PSD3: variants seen among roughly 807,000 people sequenced by gnomAD.
PSD3 encodes PH and SEC7 domain-containing protein 3.
In PSD3, 49 loss-of-function variants were observed where a neutral mutation model predicts 105.5. The ratio of observed to expected loss-of-function variants is 0.46; its 90% CI spans 0.37 to 0.59. The LOEUF (loss-of-function observed/expected upper bound fraction) is 0.59, where lower values mean the gene tolerates loss of function less well. Among genes scored for constraint, PSD3 ranks in the 20% least tolerant of loss-of-function variants. PSD3 has a pLI of 0.00. For synonymous variants in PSD3, 557 were observed against 457.8 expected, an observed-to-expected ratio of 1.22 and a Z score of -2.77; for missense variants, 1,561 against 1,263.8, an observed-to-expected ratio of 1.24 and a Z score of -3.57.
At chr8:18,999,579 T>C (rs1002850324) in intron 1 of PSD3, among the ~76,000 whole-genome samples, 3 of 151,880 alleles carry the variant, frequency 2.0e-5, no homozygotes, top group Non-Finnish European at 2.9e-5. Flanking sequence ...TATTGCTAAA[T>C]GGAATGCTTT....
At chr8:18,986,128 T>C (rs1480077287) in intron 1 of PSD3, among the ~76,000 whole-genome samples, 1 of 152,046 alleles carries the variant, frequency 6.6e-6, no homozygotes, top group African/African-American at 2.4e-5. Context: ...AATTTAGGAG[T>C]TTTATCTTAA....
intron 4 of PSD3, among the ~76,000 whole-genome samples, chr8:18,807,669 T>A (rs1015304942): frequency 1.3e-5 from 2 of 152,208 alleles, no homozygotes; most frequent in East Asian, 1.9e-4. Context: ...CAAACTAACA[T>A]GTATGGTAAC....
intron 2 of PSD3, among the ~76,000 whole-genome samples, chr8:18,906,488 T>G (rs1305460778): frequency 6.6e-6 from 1 of 152,150 alleles, no homozygotes. Flanking sequence ...ACCAAAGACT[T>G]AAAGATTTCA....
At chr8:18,629,179 G>C (rs1196617500) in intron 11 of PSD3, among the ~76,000 whole-genome samples, 2 of 151,914 alleles carry the variant, frequency 1.3e-5, no homozygotes, top group African/African-American at 4.8e-5. Context: ...CCAAAATAAG[G>C]AATATAACCA....
intron 9 of PSD3, among the ~76,000 whole-genome samples, chr8:18,713,626 T>A (rs1420558256): frequency 6.6e-6 from 1 of 151,888 alleles, no homozygotes; most frequent in Admixed American, 6.6e-5. Context: ...CCCAAGGAAA[T>A]CAGATGATGC....
At chr8:18,888,942 A>G (rs1266059256) in intron 2 of PSD3, among the ~76,000 whole-genome samples, 1 of 152,148 alleles carries the variant, frequency 6.6e-6, no homozygotes, top group Non-Finnish European at 1.5e-5. Flanking sequence ...TGAGCATCCC[A>G]TAAGCTAGCG....
At chr8:18,581,650 C>T (rs970834478) in intron 12 of PSD3, among the ~76,000 whole-genome samples, 1 of 152,160 alleles carries the variant, frequency 6.6e-6, no homozygotes, top group East Asian at 1.9e-4. Flanking sequence ...CAACCTTCAC[C>T]TATACACTTG....
intron 11 of PSD3, among the ~76,000 whole-genome samples, chr8:18,624,243 A>C (rs1806323877): frequency 6.6e-6 from 1 of 152,082 alleles, no homozygotes; most frequent in Non-Finnish European, 1.5e-5. Context: ...AAGAGGGCCC[A>C]TTGCTCCAAA....
At chr8:19,026,547 C>T (rs1264880006) in intron 1 of PSD3, among the ~76,000 whole-genome samples, 1 of 151,868 alleles carries the variant, frequency 6.6e-6, no homozygotes, top group Non-Finnish European at 1.5e-5. Flanking sequence ...TATTGCCTAT[C>T]ATGCAGGAGG....
intron 14 of PSD3, among the ~76,000 whole-genome samples, chr8:18,563,945 C>G (rs1338882818): frequency 6.6e-6 from 1 of 151,978 alleles, no homozygotes; most frequent in Non-Finnish European, 1.5e-5. Context: ...TGTGTGTAGC[C>G]CAGGCAAGAT....
intron 3 of PSD3, among the ~76,000 whole-genome samples, chr8:18,869,458 T>C (rs964672374): frequency 7.2e-5 from 11 of 151,996 alleles, no homozygotes; most frequent in Non-Finnish European, 1.5e-5. Flanking sequence ...GGATTACAGG[T>C]GTGAGCCACC....
At position 18,618,567 on chromosome 8, in the gene PSD3, A is replaced by T. The variant is rs577289567; in HGVS notation, c.2410+14046T>A. On this transcript the variant is annotated intron_variant, in intron 11 of 15. Transcript: ENST00000327040. ...TGGCCATTAAACTGTTTCTAAAATGATGTTATTTTGTAACTAAAATAACAA... is the reference window on the plus strand; with the variant it reads ...TGGCCATTAAACTGTTTCTAAAATGTTGTTATTTTGTAACTAAAATAACAA... Among the ~76,000 whole-genome samples, 53 of 141,570 alleles carry T rather than the reference A, an allele frequency of 3.7e-4. 3 individuals carry two copies. The highest frequency in any genetic ancestry group is 6.4e-4 in the Non-Finnish European group (39 of 60,902). The allele number at this position is 141,570 out of a possible 152,430, so 92.9% of individuals were successfully genotyped here.
chr8:18,695,833 G>T (rs1335296975), intron 9 of PSD3, among the ~76,000 whole-genome samples: 1 of 152,184 alleles, frequency 6.6e-6, no homozygotes, highest in Non-Finnish European at 1.5e-5. Flanking sequence ...AAAAAATGTT[G>T]TCTGTAACAA....
chr8:18,799,196 G>T, intron 8 of PSD3, 99 bp downstream of exon 8: 1 of 1,066,162 alleles, frequency 9.4e-7, no homozygotes, highest in Non-Finnish European at 1.5e-6. Context: ...ACCATGTAGA[G>T]AATGGGAAAC....
Position 18,575,264 on chromosome 8 carries a change from C to T in PSD3, c.2503G>A (p.Ala835Thr), listed in dbSNP as rs10094973. The change falls in exon 13 of 16, where the codon GCC becomes ACC. Residue 835 changes from alanine (A) to threonine (T), a missense_variant. By Grantham distance (58) the Ala-to-Thr change is moderately conservative. Coordinates refer to ENST00000327040, the MANE Select transcript of PSD3 (RefSeq NM_015310.4). ...TTTTTCAAGTCCTCTTCAGACAAGG[C>T]CTTTTCTGGCTTGTATTCATCCTAT... Reference protein sequence around the residue: ...LQKDEYKPEKALSEEDLKNAV... With the variant: ...LQKDEYKPEKTLSEEDLKNAV... The T allele has an allele frequency of 6.0e-4, 967 of 1,610,752 alleles. 5 individuals are homozygous for T. The African/African-American group carries it at 0.012, about 20-fold the overall frequency.
In PSD3 at chr8:18,928,198, G is replaced by A. The variant is rs183797109; in HGVS notation, c.130+7836C>T. 5.3e-5 allele frequency among the ~76,000 whole-genome samples: 8 copies of A among 152,262 alleles called. No homozygotes were observed. In the East Asian group the frequency reaches 1.5e-3, roughly 29 times the overall value. On this transcript the variant is annotated intron_variant, in intron 2 of 15. Transcript: ENST00000327040. ...CAGGTGGAGATAATGGAATCATGCG[G>A]GCAGTTTCCCCCATACTGTTCTCAT...
chr8:18,857,027 T>A (rs1237591970), intron 4 of PSD3, among the ~76,000 whole-genome samples: 2 of 152,160 alleles, frequency 1.3e-5, no homozygotes, highest in Admixed American at 6.5e-5. Flanking sequence ...AGCAGGAAAA[T>A]CAATCAATCC....
chr8:18,538,855 G>A (rs941945127), intron 15 of PSD3, among the ~76,000 whole-genome samples: 2 of 152,292 alleles, frequency 1.3e-5, no homozygotes, highest in African/African-American at 2.4e-5. Context: ...AAAAGGCACA[G>A]CACAGAGGTG....
chr8:18,582,102 C>G (rs80226036), intron 12 of PSD3, among the ~76,000 whole-genome samples: 3,065 of 152,092 alleles, frequency 0.02, 110 homozygotes, highest in African/African-American at 0.07. Flanking sequence ...GAGACAGACA[C>G]CGGGGACTTA....
Sources: gnomAD v4.1 joint callset for allele counts (sites outside exome capture counted in the v4.1 genomes callset) on GRCh38, gnomAD v4.1.1 for gene constraint, MANE v1.5 for transcripts, NCBI Gene and HGNC (gene_info 2026-07-23, HGNC 2026-07-21) for gene names.